Variants in IL1R1 observed in about 807,000 individuals in gnomAD.
IL1R1 encodes interleukin-1 receptor type 1.
In IL1R1, 22 loss-of-function variants were observed where a neutral mutation model predicts 50.2. The observed-to-expected ratio is 0.44, with a 90% CI of 0.31 to 0.63. IL1R1 has a LOEUF of 0.63. Among genes scored for constraint, IL1R1 ranks in the 20% least tolerant of loss-of-function variants. The pLI is 0.07. For missense variants in IL1R1, 509 were observed against 676.2 expected (o/e 0.75, Z 2.74); for synonymous variants, 251 against 236.7 (o/e 1.06, Z -0.55).
intron 1 of IL1R1, among the ~76,000 whole-genome samples, chr2:102,108,623 G>A (rs1323235230): frequency 6.6e-6 from 1 of 151,896 alleles, no homozygotes; most frequent in Non-Finnish European, 1.5e-5. Flanking sequence ...ATTCCAAAAA[G>A]GCACCCCAGA....
At chr2:102,112,259 C>T (rs551114729) in intron 1 of IL1R1, among the ~76,000 whole-genome samples, 12 of 151,398 alleles carry the variant, frequency 7.9e-5, no homozygotes, top group South Asian at 2.1e-4. Context: ...CCTATTTCGG[C>T]GGCAAAACTG....
At chr2:102,170,818 T>A (rs1268815654) in intron 7 of IL1R1, among the ~76,000 whole-genome samples, 1 of 152,234 alleles carries the variant, frequency 6.6e-6, no homozygotes, top group Non-Finnish European at 1.5e-5. Context: ...TCCAGCACTT[T>A]GGTAGGCCAA....
At position 102,179,122 on chromosome 2, in the gene IL1R1, G is replaced by A. The variant is rs1686378594; in HGVS notation, c.*2363G>A. 6.6e-6 allele frequency: 1 copy of A among 152,322 alleles called. No individual in the cohort carries two copies. Among genetic ancestry groups the A allele is most frequent in the East Asian group, 1.9e-4 (1 of 5,328 alleles). 9.4% of individuals were successfully genotyped at this position (152,322 alleles called of 1,614,324 possible). ...AGCCAGAAGCCCATGGAGCAGGGAT[G>A]TCACGTCTTGAAAAGCCTATTAGAT... On this transcript the variant is annotated 3_prime_UTR_variant, in exon 12 of 12. Transcript: ENST00000410023.
chr2:102,144,626 G>A (rs1682957406), intron 1 of IL1R1, among the ~76,000 whole-genome samples: 1 of 151,918 alleles, frequency 6.6e-6, no homozygotes, highest in East Asian at 1.9e-4. Flanking sequence ...CGGTGAATAC[G>A]ACAAGTGAAA....
At chr2:102,087,229 C>A (rs1437523049) in intron 1 of IL1R1, among the ~76,000 whole-genome samples, 1 of 152,106 alleles carries the variant, frequency 6.6e-6, no homozygotes, top group Non-Finnish European at 1.5e-5. Context: ...GGGAGGTCTA[C>A]CCTTGATGTT....
At chr2:102,121,212 C>T (rs1681387910) in intron 1 of IL1R1, among the ~76,000 whole-genome samples, 1 of 152,200 alleles carries the variant, frequency 6.6e-6, no homozygotes, top group Non-Finnish European at 1.5e-5. Context: ...CGGTGCTGAC[C>T]ACCATGGACT....
intron 1 of IL1R1, among the ~76,000 whole-genome samples, chr2:102,136,250 C>T (rs73943988): frequency 0.016 from 2,495 of 152,238 alleles, 60 homozygotes; most frequent in South Asian, 0.092. Flanking sequence ...AGTAATCTAC[C>T]CGTGATAGGG....
chr2:102,146,941 C>T (rs1577957443), intron 1 of IL1R1, among the ~76,000 whole-genome samples: 2 of 152,328 alleles, frequency 1.3e-5, no homozygotes, highest in East Asian at 3.9e-4. Flanking sequence ...CACTGAGAAC[C>T]ACTGCTTTCC....
intron 1 of IL1R1, among the ~76,000 whole-genome samples, chr2:102,130,566 T>C (rs1374877725): frequency 6.6e-6 from 1 of 152,154 alleles, no homozygotes; most frequent in African/African-American, 2.4e-5. Context: ...CTCTAGGGCC[T>C]GACAGCTGCC....
intron 1 of IL1R1, among the ~76,000 whole-genome samples, chr2:102,147,810 G>A (rs1019510515): frequency 1.3e-5 from 2 of 152,184 alleles, no homozygotes; most frequent in Non-Finnish European, 2.9e-5. Context: ...CCTTGTATTA[G>A]CTGAATAATT....
At position 102,176,339 on chromosome 2, in the gene IL1R1, T is replaced by C. The variant is rs577574704; in HGVS notation, c.1304-14T>C. 1 of 1,609,930 alleles carries C rather than the reference T, an allele frequency of 6.2e-7. No individual in the cohort carries two copies. Among genetic ancestry groups the C allele is most frequent in the African/African-American group, 1.3e-5 (1 of 74,770 alleles). ...TAGAATTTTACTTACTATATTGTGCTTCCTGTTTTTCAGACATTGTTGAGG... is the reference window on the plus strand; with the variant it reads ...TAGAATTTTACTTACTATATTGTGCCTCCTGTTTTTCAGACATTGTTGAGG... On this transcript the variant is annotated splice_polypyrimidine_tract_variant and intron_variant, in intron 11 of 11. Transcript: ENST00000410023.
chr2:102,117,497 A>C (rs993076387), intron 1 of IL1R1, among the ~76,000 whole-genome samples: 1 of 152,294 alleles, frequency 6.6e-6, no homozygotes, highest in Admixed American at 6.5e-5. Flanking sequence ...GTGTCTTCCA[A>C]TTTCTTGGAT....
upstream of IL1R1, chr2:102,142,669 G>C (rs937291268): frequency 1.1e-4 from 16 of 151,578 alleles, no homozygotes; most frequent in Non-Finnish European, 4.4e-5. Context: ...CGCAGCCCGC[G>C]GACTGGCCCA....
chr2:102,121,643 G>A (rs534046708), intron 1 of IL1R1, among the ~76,000 whole-genome samples: 12 of 152,266 alleles, frequency 7.9e-5, no homozygotes, highest in Non-Finnish European at 1.6e-4. Flanking sequence ...CTTCCTCCAT[G>A]ACTCTTGAGA....
Position 102,085,017 on chromosome 2 carries a change from C to T in IL1R1, c.-84+14484C>T, listed in dbSNP as rs530914262. On this transcript the variant is annotated intron_variant, in intron 1 of 11. Transcript: ENST00000409929. ...ACACTTTTTCAAATTATTTTTTGGC[C>T]ATTTAAATATTTTCTTTTGTTAAGG... Among the ~76,000 whole-genome samples the T allele has an allele frequency of 5.3e-5, 8 of 152,270 alleles. No individual in the cohort carries two copies. In the East Asian group the frequency reaches 9.6e-4, roughly 18 times the overall value.
chr2:102,140,679 A>G (rs4141632), upstream of IL1R1, among the ~76,000 whole-genome samples: 123,352 of 152,210 alleles, frequency 0.81, 50,431 homozygotes, highest in African/African-American at 0.91. Flanking sequence ...CACCTTACGG[A>G]AGCCTCCTAC....
intron 1 of IL1R1, among the ~76,000 whole-genome samples, chr2:102,073,674 A>G (rs901341076): frequency 3.3e-5 from 5 of 152,146 alleles, no homozygotes; most frequent in Admixed American, 6.5e-5. Context: ...TCTTTCTTGG[A>G]TGCCAAATAG....
chr2:102,099,848 T>G (rs1680065175), upstream of IL1R1, among the ~76,000 whole-genome samples: 1 of 152,178 alleles, frequency 6.6e-6, no homozygotes, highest in African/African-American at 2.4e-5. Flanking sequence ...AGAATGGGAT[T>G]TTAGATTTGT....
chr2:102,150,989 C>T (rs898899027), intron 1 of IL1R1, among the ~76,000 whole-genome samples: 3 of 152,214 alleles, frequency 2.0e-5, no homozygotes, highest in Non-Finnish European at 4.4e-5. Context: ...CAGTGGCATA[C>T]ACACATCTGT....
Sources: gnomAD v4.1 joint callset for allele counts (sites outside exome capture counted in the v4.1 genomes callset) on GRCh38, gnomAD v4.1.1 for gene constraint, MANE v1.5 for transcripts, NCBI Gene and HGNC (gene_info 2026-07-23, HGNC 2026-07-21) for gene names.